LRFN5: variants seen among roughly 807,000 people sequenced by gnomAD.
The protein encoded by LRFN5 is leucine-rich repeat and fibronectin type-III domain-containing protein 5.
In LRFN5, 24 loss-of-function variants were observed where a neutral mutation model predicts 45.6. The observed-to-expected ratio is 0.53, with a 90% CI of 0.38 to 0.74. The LOEUF (loss-of-function observed/expected upper bound fraction) is 0.74. Ranked by LOEUF, LRFN5 falls within the 30% of genes least tolerant of loss-of-function variation. LRFN5 has a pLI of 0.00. For synonymous variants in LRFN5, 340 were observed against 313.8 expected (o/e 1.08, Z -0.88); for missense variants, 776 against 861.5 (o/e 0.90, Z 1.24).
intron 1 of LRFN5, among the ~76,000 whole-genome samples, chr14:41,661,224 ATAATC>A (rs1880638879): frequency 6.6e-6 from 1 of 151,950 alleles, no homozygotes; most frequent in Non-Finnish European, 1.5e-5. Context: ...TTCATGAAAC[ATAATC>A]TAATCACTGG....
At chr14:41,893,400 G>A in intron 4 of LRFN5, 32 of 985,050 alleles carry the variant, frequency 3.2e-5, no homozygotes, top group Non-Finnish European at 3.7e-5. Context: ...ATTTTGTTTT[G>A]TTTTGAGAAT....
rs1173328769 is a variant in LRFN5 at position 41,658,917 on chromosome 14, A to C, written c.-197+50355A>C. On this transcript the variant is annotated intron_variant, in intron 1 of 5. Coordinates refer to ENST00000298119, the MANE Select transcript of LRFN5 (RefSeq NM_152447.5). ...TCAAAACTTCAGTTTCACTTACTTA[A>C]CTCATTATCTCATTCCTTAATTGTT... Among the ~76,000 whole-genome samples, 4 of 151,650 alleles carry C rather than the reference A, an allele frequency of 2.6e-5. No homozygotes were observed. In the Middle Eastern group the frequency reaches 0.01, roughly 387 times the overall value.
intron 1 of LRFN5, among the ~76,000 whole-genome samples, chr14:41,727,096 A>G (rs930290149): frequency 2.6e-5 from 4 of 152,320 alleles, no homozygotes; most frequent in Admixed American, 2.0e-4. Context: ...AGATGGAATC[A>G]CCATTGACCT....
chr14:41,800,739 A>C (rs1210783812), intron 2 of LRFN5, among the ~76,000 whole-genome samples: 2 of 151,520 alleles, frequency 1.3e-5, no homozygotes, highest in Admixed American at 1.3e-4. Context: ...AGTAAGTCTA[A>C]ATTCTGTGTC....
chr14:41,647,746 C>T (rs1879886247), intron 1 of LRFN5, among the ~76,000 whole-genome samples: 1 of 152,020 alleles, frequency 6.6e-6, no homozygotes, highest in Non-Finnish European at 1.5e-5. Flanking sequence ...GAAGAGATGC[C>T]AACTCTGGAC....
At chr14:41,684,902 C>G (rs1007421877) in intron 1 of LRFN5, among the ~76,000 whole-genome samples, 1 of 152,164 alleles carries the variant, frequency 6.6e-6, no homozygotes, top group Non-Finnish European at 1.5e-5. Flanking sequence ...AACTATCCAT[C>G]TGACAAGACA....
chr14:41,628,086 T>C (rs1404498253), intron 1 of LRFN5, among the ~76,000 whole-genome samples: 2 of 152,210 alleles, frequency 1.3e-5, no homozygotes, highest in Non-Finnish European at 2.9e-5. Flanking sequence ...ACTGCTTCTG[T>C]AATATGTGGT....
intron 1 of LRFN5, among the ~76,000 whole-genome samples, chr14:41,667,525 C>G (rs1355344641): frequency 1.3e-5 from 2 of 152,104 alleles, no homozygotes; most frequent in Non-Finnish European, 1.5e-5. Flanking sequence ...ATGTGTAGCT[C>G]TAGTGCTCAG....
At chr14:41,707,980 G>A (rs956728772) in intron 1 of LRFN5, among the ~76,000 whole-genome samples, 4 of 152,092 alleles carry the variant, frequency 2.6e-5, no homozygotes, top group African/African-American at 9.6e-5. Flanking sequence ...ATTTATACAT[G>A]TTAACTGTTT....
intron 1 of LRFN5, among the ~76,000 whole-genome samples, chr14:41,628,297 G>T (rs534667846): frequency 1.3e-5 from 2 of 152,180 alleles, no homozygotes; most frequent in Admixed American, 1.3e-4. Flanking sequence ...CTTTAGGCTG[G>T]TCCTCTTTTT....
At chr14:41,786,199 T>C (rs1039826555) in intron 2 of LRFN5, among the ~76,000 whole-genome samples, 6 of 152,156 alleles carry the variant, frequency 3.9e-5, no homozygotes, top group African/African-American at 1.4e-4. Context: ...AGACAGACAA[T>C]GGGCAAAATA....
At chr14:41,765,202 C>T (rs1194202386) in intron 1 of LRFN5, among the ~76,000 whole-genome samples, 2 of 151,898 alleles carry the variant, frequency 1.3e-5, no homozygotes, top group Admixed American at 6.6e-5. Context: ...ATTAGCCGGG[C>T]GTAGTGGCGG....
At chr14:41,652,053 T>A (rs1880149024) in intron 1 of LRFN5, among the ~76,000 whole-genome samples, 1 of 152,092 alleles carries the variant, frequency 6.6e-6, no homozygotes, top group Admixed American at 6.6e-5. Flanking sequence ...AGTCACATTC[T>A]GGAATACTAG....
intron 1 of LRFN5, among the ~76,000 whole-genome samples, chr14:41,716,026 G>A (rs61990338): frequency 0.17 from 25,466 of 152,186 alleles, 2,315 homozygotes; most frequent in Non-Finnish European, 0.22. Context: ...TCAACACCAC[G>A]TGGAAGCTGC....
intron 4 of LRFN5, among the ~76,000 whole-genome samples, chr14:41,897,432 T>G (rs1056092255): frequency 6.6e-6 from 1 of 151,988 alleles, no homozygotes; most frequent in African/African-American, 2.4e-5. Context: ...TAACATTGAA[T>G]AAATATATAC....
intron 2 of LRFN5, among the ~76,000 whole-genome samples, chr14:41,820,808 GT>G: frequency 6.6e-6 from 1 of 151,842 alleles, no homozygotes; most frequent in East Asian, 1.9e-4. Context: ...GCATTTTATA[GT>G]TTTAATTGTA....
intron 1 of LRFN5, among the ~76,000 whole-genome samples, chr14:41,735,776 C>A (rs1176091090): frequency 1.3e-5 from 2 of 151,914 alleles, no homozygotes; most frequent in Non-Finnish European, 2.9e-5. Context: ...CCCTGACAGA[C>A]CCCAGCATGT....
At chr14:41,647,712 A>G (rs770300096) in intron 1 of LRFN5, among the ~76,000 whole-genome samples, 6 of 152,152 alleles carry the variant, frequency 3.9e-5, no homozygotes, top group Non-Finnish European at 8.8e-5. Flanking sequence ...TGGGATAAGA[A>G]CAGGGATTCA....
intron 1 of LRFN5, among the ~76,000 whole-genome samples, chr14:41,659,039 A>AT (rs1414517569): frequency 2.0e-5 from 3 of 151,362 alleles, no homozygotes; most frequent in Admixed American, 6.6e-5. Context: ...CTCTTTTTAT[A>AT]TTTTTTATTA....
Sources: allele counts gnomAD v4.1 joint callset (sites outside exome capture counted in the v4.1 genomes callset), GRCh38; gene constraint gnomAD v4.1.1; transcripts MANE v1.5; gene names NCBI Gene and HGNC (gene_info 2026-07-23, HGNC 2026-07-21).